Variants in CS observed in about 807,000 individuals in gnomAD.
The protein encoded by CS is citrate synthase.
In CS, 13 loss-of-function variants were observed where a neutral mutation model predicts 61.4. The observed-to-expected ratio is 0.21, with a 90% CI of 0.14 to 0.34. CS has a LOEUF of 0.34. CS is among the 10% of genes least tolerant of loss of function. The pLI is 1.00. For synonymous variants in CS, 159 were observed against 215.2 expected (o/e 0.74, Z 2.29); for missense variants, 278 against 573.4 (o/e 0.48, Z 5.26).
At chr12:56,293,712 T>A (rs1322349422) in intron 1 of CS, among the ~76,000 whole-genome samples, 1 of 152,120 alleles carries the variant, frequency 6.6e-6, no homozygotes, top group Non-Finnish European at 1.5e-5. Context: ...AGACTCCGTC[T>A]CAAAATAATA....
At chr12:56,275,279 G>A (rs1176348034) in intron 7 of CS, 148 bp from the exon 8 acceptor site, 2 of 952,026 alleles carry the variant, frequency 2.1e-6, no homozygotes, top group African/African-American at 1.6e-5. Flanking sequence ...TCTTGTAAAA[G>A]ACATCCTAAT....
chr12:56,282,555 C>T lies in CS; in HGVS notation c.453G>A (p.Val151=), dbSNP rs1218660693. 3.7e-6 allele frequency: 6 copies of T among 1,612,136 alleles called. No homozygotes were observed. Among genetic ancestry groups the T allele is most frequent in the Non-Finnish European group, 3.4e-6 (4 of 1,178,994 alleles). The part of the protein sequence containing the change: ...WAKRAALPSH[V]VTMLDNFPTN... The stretch of plus-strand genomic sequence containing the variant: ...TGGGAAAGTTGTCCAGCATGGTGAC[C>T]ACATGGGAAGGCAGAGCTGCCCTCT... Residue 151 remains valine, a synonymous_variant, in exon 6 of 11, where the codon GTG becomes GTA. Coordinates refer to ENST00000351328, the MANE Select transcript of CS (RefSeq NM_004077.3).
rs911124214 is a variant in CS, at chr12:56,273,009, C to T, written c.*75G>A. On this transcript the variant is annotated 3_prime_UTR_variant, in exon 11 of 11. Transcript: ENST00000351328. ...TAATTTAATCTTAAGTCTTTAAAGG[C>T]CCCCTGAAACAAAAGTATACTTTTT... 1.1e-6 allele frequency: 1 copy of T among 927,460 alleles called. No individual in the cohort carries two copies. The highest frequency in any genetic ancestry group is 1.7e-6 in the Non-Finnish European group (1 of 603,300). 57.5% of individuals were successfully genotyped at this position (927,460 alleles called of 1,614,324 possible). A position where few individuals can be genotyped will look rare whatever the true frequency, so the allele number is the denominator to read the frequency against.
intron 1 of CS, among the ~76,000 whole-genome samples, chr12:56,288,958 G>T (rs1477852817): frequency 6.6e-6 from 1 of 152,080 alleles, no homozygotes; most frequent in Non-Finnish European, 1.5e-5. Flanking sequence ...ACTGCACCCA[G>T]ACAGAAAAGA....
rs563627638 is a variant in CS, at chr12:56,299,438, A to T, written c.42+722T>A. On this transcript the variant is annotated intron_variant, in intron 1 of 10. Transcript: ENST00000351328. Reference sequence around the variant, plus strand: ...ATGACGGTCATGTGACCTTGGCATTAGTATCTCTTGCCGAGGATCTTCATT... The same window carrying T: ...ATGACGGTCATGTGACCTTGGCATTTGTATCTCTTGCCGAGGATCTTCATT... 2.2e-4 allele frequency among the ~76,000 whole-genome samples: 34 copies of T among 152,318 alleles called. No homozygotes were observed. In the Middle Eastern group the frequency reaches 0.01, roughly 46 times the overall value.
At chr12:56,273,852 G>A (rs1872567832) in intron 9 of CS, 56 bp from the exon 10 acceptor site, 11 of 1,462,644 alleles carry the variant, frequency 7.5e-6, no homozygotes, top group Admixed American at 3.4e-5. Flanking sequence ...TTTATTTTTC[G>A]AGACAGGATC....
rs1872544668 is a variant in CS, at chr12:56,272,696, A to T, written c.*388T>A. The T allele has an allele frequency of 6.1e-6, 1 of 164,924 alleles. No individual in the cohort carries two copies. Among genetic ancestry groups the T allele is most frequent in the Non-Finnish European group, 1.3e-5 (1 of 76,316 alleles). 10.2% of individuals were successfully genotyped at this position (164,924 alleles called of 1,614,324 possible). On this transcript the variant is annotated 3_prime_UTR_variant, in exon 11 of 11. Coordinates refer to ENST00000351328, the MANE Select transcript of CS (RefSeq NM_004077.3). ...GGGCAGAGTCCTGGTTTGCTGGCTT[A>T]TTGAGGGCTTGGCAGAGAAGCTAAA...
chr12:56,284,319 CAAAAAA>C (rs57352870), intron 3 of CS, among the ~76,000 whole-genome samples: 1 of 73,362 alleles, frequency 1.4e-5, no homozygotes, highest in South Asian at 4.9e-4. Context: ...AACTCCATCT[CAAAAAA>C]AAAAAAAAAA....
chr12:56,284,022 A>G (rs981019138), intron 3 of CS, among the ~76,000 whole-genome samples, 165 bp from the exon 4 acceptor site: 2 of 152,134 alleles, frequency 1.3e-5, no homozygotes, highest in Admixed American at 6.6e-5. Context: ...TCAGCTTACT[A>G]AAGAATTAAA....
Position 56,282,015 on chromosome 12 carries a change from C to T in CS, c.588+405G>A, listed in dbSNP as rs148121836. ...GTGGGATTACAGGCGCCCGGCATCA[C>T]GCCTGGCTAATTTTTGTATTTTTAG... On this transcript the variant is annotated intron_variant, in intron 6 of 10. Coordinates refer to ENST00000351328, the MANE Select transcript of CS (RefSeq NM_004077.3). Among the ~76,000 whole-genome samples, 54 of 152,260 alleles carry T rather than the reference C, an allele frequency of 3.5e-4. No individual in the cohort carries two copies. In the East Asian group the frequency reaches 7.0e-3, roughly 20 times the overall value.
intron 6 of CS, among the ~76,000 whole-genome samples, chr12:56,277,567 A>G (rs1872659276): frequency 6.6e-6 from 1 of 152,020 alleles, no homozygotes; most frequent in African/African-American, 2.4e-5. Flanking sequence ...AAGAAAATTC[A>G]CTGTATGTGC....
At chr12:56,280,482 C>T (rs897643373) in intron 6 of CS, among the ~76,000 whole-genome samples, 18 of 149,084 alleles carry the variant, frequency 1.2e-4, no homozygotes, top group Non-Finnish European at 4.4e-5. Context: ...GTAATGCCAG[C>T]TAGACATGGT....
At chr12:56,274,516 T>G (rs764328318) in intron 9 of CS, 1 of 325,936 alleles carries the variant, frequency 3.1e-6, no homozygotes, top group Non-Finnish European at 5.6e-6. Flanking sequence ...GTAGTGGCTA[T>G]TCACAGGAGT....
intron 6 of CS, among the ~76,000 whole-genome samples, chr12:56,277,491 T>C (rs1456323214): frequency 6.6e-6 from 1 of 150,674 alleles, no homozygotes; most frequent in Non-Finnish European, 1.5e-5. Context: ...AGAGTGAGAC[T>C]CCGTCTCAAA....
chr12:56,296,381 T>A (rs1873306753), intron 1 of CS, among the ~76,000 whole-genome samples: 1 of 152,030 alleles, frequency 6.6e-6, no homozygotes, highest in East Asian at 1.9e-4. Context: ...GCCCATGAGG[T>A]TGAGGCTGTA....
chr12:56,295,627 T>C (rs1424700865), intron 1 of CS, among the ~76,000 whole-genome samples: 1 of 152,048 alleles, frequency 6.6e-6, no homozygotes. Flanking sequence ...TCTCAGGAAT[T>C]AGAAACTATT....
At chr12:56,287,495 AAAAAAAAAAAAAAAAG>A (rs1872977051) in intron 1 of CS, among the ~76,000 whole-genome samples, 2 of 150,710 alleles carry the variant, frequency 1.3e-5, no homozygotes, top group South Asian at 2.1e-4. Context: ...AAAAAAAAAA[AAAAAAAAAAAAAAAAG>A]AGAGAGAGAG....
intron 3 of CS, 43 bp downstream of exon 3, chr12:56,285,873 A>C: frequency 1.3e-6 from 2 of 1,482,338 alleles, no homozygotes; most frequent in Non-Finnish European, 1.9e-6. Context: ...GTTGAAGCAC[A>C]TTACAGAGCT....
At chr12:56,292,596 C>G (rs957298760) in intron 1 of CS, among the ~76,000 whole-genome samples, 1 of 150,330 alleles carries the variant, frequency 6.7e-6, no homozygotes, top group Non-Finnish European at 1.5e-5. Context: ...ATAAAAATGG[C>G]CTTGATGGCC....
Sources: gnomAD v4.1 joint callset for allele counts (sites outside exome capture counted in the v4.1 genomes callset) on GRCh38, gnomAD v4.1.1 for gene constraint, MANE v1.5 for transcripts, NCBI Gene and HGNC (gene_info 2026-07-23, HGNC 2026-07-21) for gene names.